The following NAT1 variants were observed in gnomAD, a reference collection of about 807,000 sequenced individuals.
NAT1 encodes arylamine N-acetyltransferase 1.
For synonymous variants in NAT1, 144 were observed against 122.6 expected (o/e 1.17, Z -1.16); for missense variants, 400 against 339.2 (o/e 1.18, Z -1.41).
intron 2 of NAT1, among the ~76,000 whole-genome samples, chr8:18,221,259 G>A (rs892902870): frequency 1.3e-5 from 2 of 150,468 alleles, no homozygotes; most frequent in Non-Finnish European, 3.0e-5. Context: ...CATATCCTTA[G>A]GCCTTATTCT....
chr8:18,222,649 A>G lies in NAT1; in HGVS notation c.602A>G (p.Asp201Gly), dbSNP rs768813958. 1 of 1,613,562 alleles carries G rather than the reference A, an allele frequency of 6.2e-7. No homozygotes were observed. The highest frequency in any genetic ancestry group is 1.1e-5 in the South Asian group (1 of 90,954). The change falls in exon 3 of 3, where the codon GAT (aspartate) becomes GGT (glycine). Residue 201 changes from aspartate to glycine, a missense_variant. By Grantham distance (94) the Asp-to-Gly change is moderately conservative. Transcript: ENST00000307719. ...SFTLKPRTIE[D>G]FESMNTYLQT... Reference sequence around the variant, plus strand: ...ACTCTTAAGCCTCGAACAATTGAAGATTTTGAGTCTATGAATACATACCTG... The same window carrying G: ...ACTCTTAAGCCTCGAACAATTGAAGGTTTTGAGTCTATGAATACATACCTG...
chr8:18,191,897 C>A (rs1255817846), intron 2 of NAT1, among the ~76,000 whole-genome samples: 1 of 152,178 alleles, frequency 6.6e-6, no homozygotes, highest in Non-Finnish European at 1.5e-5. Flanking sequence ...TAGAAGAAGA[C>A]CTAGGCATTA....
intron 2 of NAT1, among the ~76,000 whole-genome samples, chr8:18,181,178 A>G (rs954145677): frequency 6.6e-6 from 1 of 151,994 alleles, no homozygotes; most frequent in African/African-American, 2.4e-5. Flanking sequence ...AGTTTCCTTC[A>G]TCAATGTTTT....
At chr8:18,171,873 G>A (rs73666823) in intron 2 of NAT1, among the ~76,000 whole-genome samples, 1 of 152,316 alleles carries the variant, frequency 6.6e-6, no homozygotes, top group African/African-American at 2.4e-5. Flanking sequence ...GTAAGTAGCA[G>A]TGGTTGCCAA....
intron 2 of NAT1, among the ~76,000 whole-genome samples, chr8:18,192,003 C>A: frequency 6.6e-6 from 1 of 151,724 alleles, no homozygotes; most frequent in Non-Finnish European, 1.5e-5. Flanking sequence ...TCTAATTAAA[C>A]TAAAGAGCTT....
chr8:18,198,658 A>G (rs558757587), intron 2 of NAT1, among the ~76,000 whole-genome samples: 4 of 152,336 alleles, frequency 2.6e-5, no homozygotes, highest in African/African-American at 4.8e-5. Flanking sequence ...CAAAAATTGT[A>G]TATATTTAAG....
intron 2 of NAT1, among the ~76,000 whole-genome samples, chr8:18,191,197 G>C (rs547317017): frequency 3.3e-5 from 5 of 152,182 alleles, no homozygotes; most frequent in Admixed American, 2.0e-4. Flanking sequence ...TTAAGATCAG[G>C]CTCAAGTGAG....
At chr8:18,197,231 T>C (rs549602935) in intron 2 of NAT1, among the ~76,000 whole-genome samples, 53 of 152,342 alleles carry the variant, frequency 3.5e-4, no homozygotes, top group African/African-American at 9.1e-4. Context: ...TGAGATGAGA[T>C]TGCGTTGGGG....
chr8:18,201,582 C>T (rs182304580), intron 2 of NAT1, among the ~76,000 whole-genome samples: 93 of 152,248 alleles, frequency 6.1e-4, no homozygotes, highest in African/African-American at 2.2e-3. Context: ...ATGGTTTGGT[C>T]ACCTGCAGGC....
chr8:18,202,368 A>C (rs190986895), intron 2 of NAT1, among the ~76,000 whole-genome samples: 1 of 152,340 alleles, frequency 6.6e-6, no homozygotes, highest in African/African-American at 2.4e-5. Flanking sequence ...CTAAAGCGCG[A>C]AGGGAAACTA....
At chr8:18,183,560 C>T (rs1340814933) in intron 2 of NAT1, among the ~76,000 whole-genome samples, 1 of 152,096 alleles carries the variant, frequency 6.6e-6, no homozygotes. Flanking sequence ...AGATAAATAG[C>T]CCTGAGGAGT....
chr8:18,190,477 T>A (rs1227068663), intron 2 of NAT1, among the ~76,000 whole-genome samples: 1 of 152,248 alleles, frequency 6.6e-6, no homozygotes, highest in Non-Finnish European at 1.5e-5. Context: ...CTCTTTACCC[T>A]ACATGCATTC....
chr8:18,198,668 G>C (rs1803336736), intron 2 of NAT1, among the ~76,000 whole-genome samples: 1 of 152,120 alleles, frequency 6.6e-6, no homozygotes, highest in Non-Finnish European at 1.5e-5. Flanking sequence ...ATATATTTAA[G>C]GTGTAACATG....
intron 2 of NAT1, among the ~76,000 whole-genome samples, chr8:18,221,396 C>G (rs1321321213): frequency 6.6e-6 from 1 of 151,438 alleles, no homozygotes; most frequent in East Asian, 1.9e-4. Context: ...TTTAGTTTTC[C>G]CAGGGCACTT....
intron 1 of NAT1, among the ~76,000 whole-genome samples, chr8:18,210,526 T>C (rs1356174392): frequency 1.3e-5 from 2 of 152,234 alleles, no homozygotes; most frequent in East Asian, 3.8e-4. Context: ...CATACGTGTA[T>C]TAAAAGATAA....
At chr8:18,211,171 A>T (rs1240240068) in intron 1 of NAT1, 2 of 131,686 alleles carry the variant, frequency 1.5e-5, no homozygotes, top group African/African-American at 5.1e-5. Flanking sequence ...ATGACAAAAA[A>T]ATTTAACTCC....
In NAT1 at chr8:18,196,480, G is replaced by A. The variant is rs149240460; in HGVS notation, n.93-13301G>A. Among the ~76,000 whole-genome samples the A allele has an allele frequency of 6.1e-3, 931 of 152,160 alleles. 21 individuals carry two copies. The highest frequency in any genetic ancestry group is 0.021 in the African/African-American group (858 of 41,488). ...ACAAACATGAAAGTAGATGATGACA[G>A]ACTAACACTTCAGTACAAAAAGAGA... On this transcript the variant is annotated intron_variant and non_coding_transcript_variant, in intron 2 of 4. Transcript: ENST00000517441.
chr8:18,205,861 C>T (rs1286241370), upstream of NAT1, among the ~76,000 whole-genome samples: 1 of 152,126 alleles, frequency 6.6e-6, no homozygotes, highest in Non-Finnish European at 1.5e-5. Context: ...AGGCTGGGGC[C>T]CTGGGAGAGG....
intron 1 of NAT1, among the ~76,000 whole-genome samples, chr8:18,217,774 G>A (rs1804832941): frequency 2.0e-5 from 3 of 152,146 alleles, no homozygotes; most frequent in Non-Finnish European, 4.4e-5. Context: ...TTGCCCTCAA[G>A]TCCTGCACAA....
Sources: gnomAD v4.1 joint callset for allele counts (sites outside exome capture counted in the v4.1 genomes callset) on GRCh38, gnomAD v4.1.1 for gene constraint, MANE v1.5 for transcripts, NCBI Gene and HGNC (gene_info 2026-07-23, HGNC 2026-07-21) for gene names.